The following PRKCZ variants were observed in gnomAD, a reference collection of about 807,000 sequenced individuals.
PRKCZ encodes the protein protein kinase C zeta type.
In PRKCZ, 33 loss-of-function variants were observed where a neutral mutation model predicts 79.5. The ratio of observed to expected loss-of-function variants is 0.41; its 90% CI spans 0.31 to 0.55. PRKCZ has a LOEUF of 0.55. PRKCZ is among the 20% of genes least tolerant of loss of function. The pLI is 0.19. For missense variants in PRKCZ, 578 were observed against 813.5 expected (o/e 0.71, Z 3.52); for synonymous variants, 342 against 320.9 (o/e 1.07, Z -0.70).
chr1:2,058,286 A>G (rs1172705666), intron 3 of PRKCZ, among the ~76,000 whole-genome samples: 1 of 148,222 alleles, frequency 6.7e-6, no homozygotes, highest in African/African-American at 2.5e-5. Context: ...TACAGGCGTG[A>G]GCCACGGTGC....
intron 4 of PRKCZ, among the ~76,000 whole-genome samples, chr1:2,101,914 T>C (rs145394537): frequency 3.0e-4 from 46 of 152,284 alleles, no homozygotes; most frequent in African/African-American, 1.1e-3. Flanking sequence ...ATAACAGATA[T>C]GTAGCAGATA....
chr1:2,061,124 T>G (rs1290334696), intron 4 of PRKCZ, among the ~76,000 whole-genome samples: 1 of 152,308 alleles, frequency 6.6e-6, no homozygotes, highest in Middle Eastern at 3.4e-3. Flanking sequence ...ACCTGGGTGA[T>G]TTTTTGACTT....
intron 1 of PRKCZ, among the ~76,000 whole-genome samples, chr1:2,051,198 G>T (rs979521699): frequency 2.5e-4 from 38 of 152,324 alleles, no homozygotes; most frequent in African/African-American, 7.0e-4. Context: ...GTCGGGCGGG[G>T]ACAGGGGTTT....
intron 4 of PRKCZ, chr1:2,073,808 TCGGGGC>T: frequency 9.7e-7 from 1 of 1,030,918 alleles, no homozygotes. Context: ...CTGCCTATTG[TCGGGGC>T]CGGAGGCGAG....
intron 3 of PRKCZ, among the ~76,000 whole-genome samples, 160 bp from the exon 4 acceptor site, chr1:2,059,381 G>A (rs919443059): frequency 2.0e-5 from 3 of 152,232 alleles, no homozygotes; most frequent in African/African-American, 7.2e-5. Context: ...GTAGACGCAC[G>A]GGGTTTTGCG....
chr1:2,146,088 C>T lies in PRKCZ; in HGVS notation c.614C>T (p.Pro205Leu). 1 of 1,614,040 alleles carries T rather than the reference C, an allele frequency of 6.2e-7. No individual in the cohort carries two copies. The highest frequency in any genetic ancestry group is 8.5e-7 in the Non-Finnish European group (1 of 1,179,884). Residue 205 changes from proline (P) to leucine (L), a missense_variant, in exon 7 of 18, where the codon CCT becomes CTT. Physicochemically the swap from Pro to Leu is moderately conservative, Grantham distance 98 (BLOSUM62 -3). Around this residue, in one of 4 missense-constraint regions of PRKCZ, gnomAD observed 91 missense variants for 97.5 expected, o/e 0.93. Coordinates refer to ENST00000378567, the MANE Select transcript of PRKCZ (RefSeq NM_002744.6). ...GACAAGAACGAGGACGCCGACCTTCCTTCCGAGGAGACAGATGGAAGTAGG... is the reference window on the plus strand; with the variant it reads ...GACAAGAACGAGGACGCCGACCTTCTTTCCGAGGAGACAGATGGAAGTAGG... ...VDDKNEDADL[P>L]SEETDGIAYI...
At chr1:2,151,297 C>T (rs146976966) in intron 9 of PRKCZ, among the ~76,000 whole-genome samples, 2 of 152,370 alleles carry the variant, frequency 1.3e-5, no homozygotes, top group East Asian at 1.9e-4. Context: ...GCACTGCACA[C>T]TGCAGGCAGT....
rs1288904023 is a variant in PRKCZ at position 2,094,917 on chromosome 1, C to T, written c.334+35326C>T. Among the ~76,000 whole-genome samples the T allele has an allele frequency of 1.3e-5, 2 of 152,184 alleles. No individual in the cohort carries two copies. Among genetic ancestry groups the T allele is most frequent in the Non-Finnish European group, 2.9e-5 (2 of 68,040 alleles). ...CTCTCCTGCCTATAAAAAGCCCTGC[C>T]CTGGGTTCCCTGCTCCATGCCAGTT... On this transcript the variant is annotated intron_variant, in intron 4 of 17. Transcript: ENST00000378567. This position sits in a 1 kb window ranked among gnomAD's most constrained non-coding sequence, Gnocchi z 7.3.
At chr1:2,164,241 C>T (rs1425961941) in intron 10 of PRKCZ, among the ~76,000 whole-genome samples, 1 of 152,190 alleles carries the variant, frequency 6.6e-6, no homozygotes, top group Non-Finnish European at 1.5e-5. Context: ...CCTTTTGTCA[C>T]CCACAGGCCT....
intron 4 of PRKCZ, among the ~76,000 whole-genome samples, chr1:2,087,378 C>T (rs757470109): frequency 1.1e-4 from 17 of 152,068 alleles, no homozygotes; most frequent in Non-Finnish European, 2.2e-4. Flanking sequence ...CTGTTGCGCC[C>T]GGCCCCCATT....
At chr1:2,052,754 G>T (rs1424053526) in intron 1 of PRKCZ, among the ~76,000 whole-genome samples, 1 of 152,216 alleles carries the variant, frequency 6.6e-6, no homozygotes, top group African/African-American at 2.4e-5. Flanking sequence ...GCCAGGATGA[G>T]TACTGGGTTA....
intron 4 of PRKCZ, among the ~76,000 whole-genome samples, chr1:2,066,376 GTC>G (rs1405972554): frequency 2.0e-5 from 3 of 152,160 alleles, no homozygotes; most frequent in African/African-American, 4.8e-5. Context: ...CTCTCTGTCT[GTC>G]TCTCTGATGG....
At chr1:2,079,928 G>T (rs1376956624) in intron 4 of PRKCZ, among the ~76,000 whole-genome samples, 7 of 152,174 alleles carry the variant, frequency 4.6e-5, no homozygotes, top group African/African-American at 1.7e-4. Flanking sequence ...GGAGTCTGCT[G>T]CCCCCGCAAG....
intron 4 of PRKCZ, among the ~76,000 whole-genome samples, chr1:2,110,797 G>A (rs1237849285): frequency 1.3e-5 from 2 of 151,920 alleles, no homozygotes; most frequent in Non-Finnish European, 2.9e-5. Flanking sequence ...TGGTGACAGT[G>A]GAGTCCCTGT....
intron 4 of PRKCZ, among the ~76,000 whole-genome samples, chr1:2,106,426 CCA>C: frequency 1.3e-5 from 2 of 151,872 alleles, no homozygotes; most frequent in African/African-American, 4.8e-5. Flanking sequence ...GCGAGGACCT[CCA>C]CACGTGTCGC....
In PRKCZ at chr1:2,127,511, C is replaced by T. The variant is rs527588430; in HGVS notation, c.335-7751C>T. On this transcript the variant is annotated intron_variant, in intron 4 of 17. Transcript: ENST00000378567. The surrounding 1 kb of genome is among the most constrained non-coding windows in gnomAD (Gnocchi z 5.1). ...GTCCCGCCCCACGTCCCGCCTCCCA[C>T]TGCCCTCAGCCTCTGGAACGGTGCC... 3.3e-5 allele frequency among the ~76,000 whole-genome samples: 5 copies of T among 152,310 alleles called. No homozygotes were observed. The highest frequency in any genetic ancestry group is 1.2e-4 in the African/African-American group (5 of 41,586).
intron 8 of PRKCZ, 86 bp from the exon 9 acceptor site, chr1:2,150,704 G>A: frequency 2.9e-6 from 4 of 1,376,862 alleles, no homozygotes; most frequent in East Asian, 4.6e-5. Flanking sequence ...GCAGGTCTCT[G>A]TTGGGACCGC....
At chr1:2,155,578 A>G (rs956352402) in intron 9 of PRKCZ, among the ~76,000 whole-genome samples, 16 of 140,538 alleles carry the variant, frequency 1.1e-4, no homozygotes, top group Admixed American at 1.5e-4. Flanking sequence ...GATGATGCAG[A>G]TGGTGATGAC....
chr1:2,081,569 C>T (rs796864221), intron 4 of PRKCZ, among the ~76,000 whole-genome samples: 46 of 152,282 alleles, frequency 3.0e-4, no homozygotes, highest in African/African-American at 9.9e-4. Flanking sequence ...AGCCGGAGCT[C>T]CAGCATCATG....
Sources: gnomAD v4.1 joint callset for allele counts (sites outside exome capture counted in the v4.1 genomes callset) on GRCh38, gnomAD v4.1.1 for gene constraint, gnomAD v4.1.1 regional missense constraint, Gnocchi (gnomAD v3.1) non-coding constraint, MANE v1.5 for transcripts, NCBI Gene and HGNC (gene_info 2026-07-23, HGNC 2026-07-21) for gene names.